Variants in ADGRF5 observed in about 807,000 individuals in gnomAD.
ADGRF5 encodes adhesion G protein-coupled receptor F5.
ADGRF5 carries 75 observed loss-of-function variants against 132.3 expected under a neutral mutation model. The ratio of observed to expected loss-of-function variants is 0.57; its 90% confidence interval spans 0.47 to 0.69. ADGRF5 has a LOEUF of 0.69. ADGRF5 is among the 30% of genes least tolerant of loss of function. The pLI, the probability that ADGRF5 is intolerant of heterozygous loss-of-function variation, is 0.00. For synonymous variants in ADGRF5, 629 were observed against 597.6 expected, an observed-to-expected ratio of 1.05 and a Z score of -0.77; for missense variants, 1,516 against 1,630.6, an observed-to-expected ratio of 0.93 and a Z score of 1.21.
At chr6:46,900,386 A>G (rs375638965) in intron 2 of ADGRF5, among the ~76,000 whole-genome samples, 52 of 152,290 alleles carry the variant, frequency 3.4e-4, no homozygotes, top group Middle Eastern at 3.4e-3. Context: ...CGTCAAAAAT[A>G]TAAATTATTA....
chr6:46,946,211 A>C (rs1778296791), intron 1 of ADGRF5, among the ~76,000 whole-genome samples: 1 of 152,206 alleles, frequency 6.6e-6, no homozygotes, highest in South Asian at 2.1e-4. Context: ...TGTAAAAAAC[A>C]ACTGAGAAGT....
intron 11 of ADGRF5, among the ~76,000 whole-genome samples, chr6:46,871,064 T>C (rs1771007478): frequency 6.6e-6 from 1 of 151,760 alleles, no homozygotes; most frequent in African/African-American, 2.4e-5. Context: ...GTAAAAATGC[T>C]AAGTCACAAT....
chr6:46,899,933 A>C, intron 3 of ADGRF5, 96 bp downstream of exon 3: 1 of 853,492 alleles, frequency 1.2e-6, no homozygotes, highest in Non-Finnish European at 2.0e-6. Context: ...ATGTGATTGG[A>C]GGCTGAATTA....
At chr6:46,917,838 G>A (rs1358076711) in intron 1 of ADGRF5, among the ~76,000 whole-genome samples, 2 of 152,174 alleles carry the variant, frequency 1.3e-5, no homozygotes, top group Non-Finnish European at 2.9e-5. Context: ...CATGGCACAT[G>A]TATACCTATG....
At chr6:46,926,368 C>A (rs1209889169), upstream of ADGRF5, among the ~76,000 whole-genome samples, 1 of 152,150 alleles carries the variant, frequency 6.6e-6, no homozygotes, top group African/African-American at 2.4e-5. Context: ...AGTGATGCCC[C>A]AGCTTCTGCC....
chr6:46,939,566 T>G (rs1777976489), intron 1 of ADGRF5, among the ~76,000 whole-genome samples: 1 of 152,228 alleles, frequency 6.6e-6, no homozygotes, highest in African/African-American at 2.4e-5. Context: ...TTTATTTCCT[T>G]TTTATACAAT....
At chr6:46,884,415 T>C in intron 4 of ADGRF5, 144 bp from the exon 5 acceptor site, 1 of 621,086 alleles carries the variant, frequency 1.6e-6, no homozygotes, top group East Asian at 2.7e-5. Context: ...TAGCACTGCA[T>C]AAAATTGATA....
chr6:46,856,566 T>C (rs1769070486), intron 19 of ADGRF5, 152 bp downstream of exon 19: 2 of 625,648 alleles, frequency 3.2e-6, no homozygotes, highest in East Asian at 2.7e-5. Context: ...CTATGCCAAA[T>C]ACAGCTGTTG....
Position 46,879,957 on chromosome 6 carries a change from G to A in ADGRF5, c.897C>T (p.Ser299=), listed in dbSNP as rs760897181. The A allele has an allele frequency of 2.5e-6, 4 of 1,613,996 alleles. No individual in the cohort carries two copies. Among genetic ancestry groups the A allele is most frequent in the Admixed American group, 1.7e-5 (1 of 60,016 alleles). ...CTTCATAGCGCCAAGACACATTGGA[G>A]GACAAAACTTCCTTTTCACACACCA... ...VSLVCEKEVL[S]SNVSWRYEEQ... Residue 299 remains serine (S), a synonymous_variant, in exon 9 of 21, where the codon TCC becomes TCT. Transcript: ENST00000283296.
At chr6:46,929,845 G>A (rs761593490) in intron 1 of ADGRF5, among the ~76,000 whole-genome samples, 1 of 151,578 alleles carries the variant, frequency 6.6e-6, no homozygotes, top group Non-Finnish European at 1.5e-5. Flanking sequence ...TTTTGAGATA[G>A]TGTTTCACTC....
chr6:46,905,733 CCT>C (rs1775284395), intron 2 of ADGRF5, among the ~76,000 whole-genome samples: 1 of 149,444 alleles, frequency 6.7e-6, no homozygotes, highest in Admixed American at 6.6e-5. Context: ...TACCAATGAA[CCT>C]CTAACAACAA....
chr6:46,912,336 C>T (rs1006701540), intron 1 of ADGRF5, among the ~76,000 whole-genome samples: 2 of 151,684 alleles, frequency 1.3e-5, no homozygotes, highest in African/African-American at 4.8e-5. Context: ...CTAAAAACAA[C>T]AGGGGAGTTT....
rs143902391 is a variant in ADGRF5, at chr6:46,871,807, C to G, written c.1411+36G>C. 8,031 of 1,447,720 alleles carry G rather than the reference C, an allele frequency of 5.5e-3. 101 individuals carry two copies. The highest frequency in any genetic ancestry group is 0.032 in the South Asian group (2,358 of 73,130). 89.7% of individuals were successfully genotyped at this position (1,447,720 alleles called of 1,614,324 possible). A position where few individuals can be genotyped will look rare whatever the true frequency, so the allele number is the denominator to read the frequency against. ...TGGCAGCACTTATTTAAGGTGGAAC[C>G]TATTTATGGCTAAAAATGCTAGGGA... On this transcript the variant is annotated intron_variant, in intron 11 of 20. Coordinates refer to ENST00000283296, the MANE Select transcript of ADGRF5 (RefSeq NM_001098518.2).
At chr6:46,887,318 G>A (rs1433826576) in intron 4 of ADGRF5, among the ~76,000 whole-genome samples, 1 of 152,178 alleles carries the variant, frequency 6.6e-6, no homozygotes, top group African/African-American at 2.4e-5. Context: ...TGGGAACATA[G>A]AAGGGTGTTT....
intron 1 of ADGRF5, among the ~76,000 whole-genome samples, chr6:46,934,324 A>G (rs1317484003): frequency 6.6e-6 from 1 of 152,222 alleles, no homozygotes; most frequent in Non-Finnish European, 1.5e-5. Flanking sequence ...AGCAGAGTTG[A>G]CACTTGGACC....
chr6:46,930,040 C>G lies in ADGRF5; in HGVS notation c.-24-23254G>C, dbSNP rs537309574. On this transcript the variant is annotated intron_variant, in intron 1 of 20. Transcript: ENST00000265417. The stretch of plus-strand genomic sequence containing the variant: ...TTCACTATGTTGACCAGGCTGGTCT[C>G]GAACTCCTGACCTCAGGTGATCCAC... Among the ~76,000 whole-genome samples, 192 of 151,964 alleles carry G rather than the reference C, an allele frequency of 1.3e-3. 1 individual carries two copies. Among genetic ancestry groups the G allele is most frequent in the South Asian group, 3.1e-3 (15 of 4,804 alleles).
At chr6:46,874,216 G>A (rs972694342) in intron 10 of ADGRF5, among the ~76,000 whole-genome samples, 1 of 152,110 alleles carries the variant, frequency 6.6e-6, no homozygotes, top group African/African-American at 2.4e-5. Context: ...ATTCCAATCT[G>A]CTTCTCTTCT....
intron 3 of ADGRF5, among the ~76,000 whole-genome samples, chr6:46,890,380 G>T (rs1428315845): frequency 1.3e-5 from 2 of 152,026 alleles, no homozygotes; most frequent in Non-Finnish European, 2.9e-5. Context: ...GTCATGAGCT[G>T]CTGTGCCCAG....
intron 1 of ADGRF5, among the ~76,000 whole-genome samples, chr6:46,910,538 C>T (rs1775841374): frequency 6.6e-6 from 1 of 152,080 alleles, no homozygotes; most frequent in African/African-American, 2.4e-5. Context: ...TTAAATTACC[C>T]CCATTTTTCA....
Sources: allele counts gnomAD v4.1 joint callset (sites outside exome capture counted in the v4.1 genomes callset), GRCh38; gene constraint gnomAD v4.1.1; transcripts MANE v1.5; gene names NCBI Gene and HGNC (gene_info 2026-07-23, HGNC 2026-07-21).